The following DIAPH2 variants were observed in gnomAD, a reference collection of about 807,000 sequenced individuals.
DIAPH2 encodes diaphanous related formin 2.
Under a neutral mutation model 92.7 loss-of-function variants are expected in DIAPH2, and 35 were observed. The observed-to-expected ratio is 0.38, with a 90% CI of 0.29 to 0.50. DIAPH2 has a LOEUF of 0.50. Among genes scored for constraint, DIAPH2 ranks in the 20% least tolerant of loss-of-function variants. The pLI is 0.94. For missense variants in DIAPH2, 701 were observed against 819.5 expected (o/e 0.86, Z 1.77); for synonymous variants, 301 against 280.4 (o/e 1.07, Z -0.73).
At chrX:97,045,372 G>C (rs2066474371) in intron 17 of DIAPH2, among the ~76,000 whole-genome samples, 1 of 111,833 alleles carries the variant, frequency 8.9e-6, no homozygotes. Context: ...GTAGTAACTA[G>C]TTAGAGTTGG....
At chrX:96,997,854 T>A (rs1475705246) in intron 17 of DIAPH2, among the ~76,000 whole-genome samples, 1 of 112,389 alleles carries the variant, frequency 8.9e-6, no homozygotes, top group East Asian at 2.8e-4. Context: ...TTGATTATAT[T>A]AAATGTCACA....
At chrX:96,967,395 T>TTCATTC (rs1556311836) in intron 17 of DIAPH2, among the ~76,000 whole-genome samples, 7 of 105,800 alleles carry the variant, frequency 6.6e-5, no homozygotes, top group Non-Finnish European at 9.8e-5. Context: ...TTTATTTATT[T>TTCATTC]ATTCATTCAT....
chrX:96,940,027 A>G (rs1174864638), intron 12 of DIAPH2, among the ~76,000 whole-genome samples: 2 of 109,671 alleles, frequency 1.8e-5, no homozygotes, highest in East Asian at 5.7e-4. Context: ...ATGCACTTGT[A>G]AAAATGGGGT....
chrX:96,784,678 AAAG>A (rs1324512806), intron 4 of DIAPH2, among the ~76,000 whole-genome samples: 3 of 112,461 alleles, frequency 2.7e-5, no homozygotes, highest in Non-Finnish European at 5.6e-5. Flanking sequence ...GCTTAATTAG[AAAG>A]AAGAAGACAT....
chrX:97,027,380 C>T (rs2066342660), intron 17 of DIAPH2, among the ~76,000 whole-genome samples: 1 of 112,082 alleles, frequency 8.9e-6, no homozygotes, highest in South Asian at 3.7e-4. Context: ...CTTAGCAATA[C>T]TTAATTGTGT....
In DIAPH2 at chrX:97,599,389, G is replaced by A; in HGVS notation, c.*72G>A. The A allele has an allele frequency of 1.4e-6, 1 of 725,358 alleles. No homozygotes were observed. Among genetic ancestry groups the A allele is most frequent in the Non-Finnish European group, 2.0e-6 (1 of 491,486 alleles). 59.8% of individuals were successfully genotyped at this position (725,358 alleles called of 1,213,427 possible). A position where few individuals can be genotyped will look rare whatever the true frequency, so the allele number is the denominator to read the frequency against. ...ATGCATTTTGAGAAGAACAAAGTGT[G>A]CACTCAGCGGCTGGAAAGGAAATAA... On this transcript the variant is annotated 3_prime_UTR_variant, in exon 27 of 27. Coordinates refer to ENST00000324765, the MANE Select transcript of DIAPH2 (RefSeq NM_006729.5).
chrX:96,688,998 G>C (rs967982181), intron 1 of DIAPH2, among the ~76,000 whole-genome samples: 6 of 109,947 alleles, frequency 5.5e-5, no homozygotes, highest in Admixed American at 4.9e-4. Flanking sequence ...GAATATGCAT[G>C]GTTGGGGGTG....
At chrX:96,914,143 A>G (rs932656758) in intron 7 of DIAPH2, among the ~76,000 whole-genome samples, 1 of 111,108 alleles carries the variant, frequency 9.0e-6, no homozygotes, top group African/African-American at 3.3e-5. Flanking sequence ...ACATACATGT[A>G]TCAGCAAAGA....
chrX:96,909,298 T>A (rs780153442), intron 5 of DIAPH2, among the ~76,000 whole-genome samples: 1 of 111,433 alleles, frequency 9.0e-6, no homozygotes, highest in East Asian at 2.8e-4. Flanking sequence ...AGCCAACATT[T>A]TGTTTTTAAA....
At chrX:97,420,284 C>T (rs971203944) in intron 25 of DIAPH2, among the ~76,000 whole-genome samples, 3 of 111,568 alleles carry the variant, frequency 2.7e-5, no homozygotes, top group African/African-American at 9.8e-5. Context: ...GATATACATA[C>T]ATTAGGGAAA....
intron 22 of DIAPH2, among the ~76,000 whole-genome samples, chrX:97,234,122 G>A (rs866304686): frequency 1.9e-5 from 2 of 105,738 alleles, no homozygotes; most frequent in East Asian, 3.0e-4. Context: ...TCGGGAGTTC[G>A]AGACCAGCCT....
At chrX:96,866,372 G>C (rs1235985139) in intron 4 of DIAPH2, among the ~76,000 whole-genome samples, 1 of 111,827 alleles carries the variant, frequency 8.9e-6, no homozygotes, top group African/African-American at 3.2e-5. Context: ...GTTTTTGCAA[G>C]ATTTCTTATT....
At chrX:97,404,055 G>A (rs1321724715) in intron 25 of DIAPH2, among the ~76,000 whole-genome samples, 1 of 109,680 alleles carries the variant, frequency 9.1e-6, no homozygotes, top group Non-Finnish European at 1.9e-5. Flanking sequence ...GTTTCTCCAT[G>A]TTGGTCAGGC....
intron 25 of DIAPH2, among the ~76,000 whole-genome samples, chrX:97,412,370 AAC>A (rs1489677861): frequency 8.9e-6 from 1 of 112,339 alleles, no homozygotes; most frequent in African/African-American, 3.2e-5. Flanking sequence ...ACAAAGGCAC[AAC>A]ATACAAGAAT....
intron 4 of DIAPH2, among the ~76,000 whole-genome samples, chrX:96,768,224 A>G: frequency 8.9e-6 from 1 of 112,450 alleles, no homozygotes. Flanking sequence ...GTTGGAAAAT[A>G]GCAAACATTG....
At chrX:97,420,437 T>G (rs1316143290) in intron 25 of DIAPH2, among the ~76,000 whole-genome samples, 1 of 111,758 alleles carries the variant, frequency 8.9e-6, no homozygotes, top group African/African-American at 3.2e-5. Context: ...ATACAGTATT[T>G]ATTCCATGGC....
At chrX:97,435,278 G>A (rs915368784) in intron 26 of DIAPH2, among the ~76,000 whole-genome samples, 9 of 111,713 alleles carry the variant, frequency 8.1e-5, no homozygotes, top group African/African-American at 2.9e-4. Context: ...CAACAGTTGA[G>A]CAGTCTTATT....
chrX:96,980,123 C>T (rs921694725), intron 17 of DIAPH2, among the ~76,000 whole-genome samples: 1 of 111,769 alleles, frequency 8.9e-6, no homozygotes, highest in African/African-American at 3.3e-5. Context: ...TCAGTGGACC[C>T]TGTTCCTTTT....
intron 24 of DIAPH2, among the ~76,000 whole-genome samples, chrX:97,382,913 A>G (rs920242119): frequency 6.2e-5 from 7 of 112,484 alleles, no homozygotes; most frequent in African/African-American, 1.6e-4. Flanking sequence ...GGTTTCTGGA[A>G]CAAAATAGTT....
Sources: gnomAD v4.1 joint callset for allele counts (sites outside exome capture counted in the v4.1 genomes callset) on GRCh38, gnomAD v4.1.1 for gene constraint, MANE v1.5 for transcripts, NCBI Gene and HGNC (gene_info 2026-07-23, HGNC 2026-07-21) for gene names.